Variants in MYO10 observed in about 807,000 individuals in gnomAD.
MYO10 encodes myosin X, also known as unconventional myosin-X.
MYO10 carries 133 observed loss-of-function variants against 257.3 expected under a neutral mutation model. That is an observed-to-expected ratio of 0.52 (90% confidence interval 0.45 to 0.60). The LOEUF (loss-of-function observed/expected upper bound fraction) is 0.60. MYO10 is among the 20% of genes least tolerant of loss of function. The probability of loss-of-function intolerance (pLI) is 0.00; values close to 1 mark genes in which losing one functional copy is unlikely to be tolerated. For missense variants in MYO10, 2,399 were observed against 2,635.7 expected (o/e 0.91, Z 1.97); for synonymous variants, 1,104 against 1,028.6 (o/e 1.07, Z -1.40).
rs1346024906 is a variant in MYO10, at chr5:16,809,178, A to T, written c.279+8831T>A. Among the ~76,000 whole-genome samples the T allele has an allele frequency of 3.9e-5, 6 of 151,960 alleles. No homozygotes were observed. The East Asian group carries it at 1.2e-3, about 29-fold the overall frequency. ...CTTGATTTCATGTGGAAAAAAAAAAAAGCCAAAAAAACCCAGAAAGTCCTG... is the reference window on the plus strand; with the variant it reads ...CTTGATTTCATGTGGAAAAAAAAAATAGCCAAAAAAACCCAGAAAGTCCTG... On this transcript the variant is annotated intron_variant, in intron 3 of 40. Coordinates refer to ENST00000513610, the MANE Select transcript of MYO10 (RefSeq NM_012334.3).
chr5:16,722,418 GCTT>G (rs1739187940), intron 19 of MYO10, among the ~76,000 whole-genome samples: 1 of 152,164 alleles, frequency 6.6e-6, no homozygotes, highest in Admixed American at 6.5e-5. Context: ...ACAAAATTGT[GCTT>G]CTGTTTACAG....
intron 1 of MYO10, among the ~76,000 whole-genome samples, chr5:16,882,896 A>G (rs1214997799): frequency 7.1e-6 from 1 of 141,812 alleles, no homozygotes; most frequent in Non-Finnish European, 1.5e-5. Context: ...TTATAACTCA[A>G]TAATATCAAA....
Position 16,666,483 on chromosome 5 carries a change from T to C in MYO10, c.*209A>G, listed in dbSNP as rs1348192667. 4.1e-6 allele frequency: 2 copies of C among 493,218 alleles called. No homozygotes were observed. The highest frequency in any genetic ancestry group is 3.7e-5 in the Admixed American group (1 of 27,094). The allele number at this position is 493,218 out of a possible 1,614,324, so 30.6% of individuals were successfully genotyped here. A position where few individuals can be genotyped will look rare whatever the true frequency, so the allele number is the denominator to read the frequency against. On this transcript the variant is annotated 3_prime_UTR_variant, in exon 41 of 41. Coordinates refer to ENST00000513610, the MANE Select transcript of MYO10 (RefSeq NM_012334.3). ...CTAAGAGTAGTAAAGCTTTGGAAAC[T>C]GTGCAGACTGTTAAAGTTGACAGCT...
intron 1 of MYO10, among the ~76,000 whole-genome samples, chr5:16,884,321 G>A (rs932719970): frequency 6.6e-6 from 1 of 152,056 alleles, no homozygotes; most frequent in Non-Finnish European, 1.5e-5. Flanking sequence ...CCTGAGGCTG[G>A]GAAGTAAAGG....
chr5:16,691,309 T>A (rs972720424), intron 27 of MYO10, among the ~76,000 whole-genome samples: 1 of 150,270 alleles, frequency 6.7e-6, no homozygotes. Flanking sequence ...CAATAAAACA[T>A]GTATTTTACA....
At chr5:16,900,033 C>T (rs1485900068) in intron 1 of MYO10, among the ~76,000 whole-genome samples, 1 of 135,796 alleles carries the variant, frequency 7.4e-6, no homozygotes, top group African/African-American at 2.7e-5. Flanking sequence ...AAGATTTAAA[C>T]AGCTCTGGGA....
chr5:16,818,108 C>CG lies in MYO10; in HGVS notation c.179dup (p.Asn61GlufsTer7). 6.2e-7 allele frequency: 1 copy of CG among 1,612,190 alleles called. No individual in the cohort carries two copies. Among genetic ancestry groups the CG allele is most frequent in the Non-Finnish European group, 8.5e-7 (1 of 1,178,748 alleles). On this transcript the variant is annotated frameshift_variant, in exon 3 of 41. Transcript: ENST00000513610. LOFTEE classifies it high-confidence loss of function. ...CCATGTCATCCACGCCCTCCTCGTT[C>CG]GTGGGGTGCATAGCAGTCACCTTCT...
intron 21 of MYO10, among the ~76,000 whole-genome samples, chr5:16,706,928 G>A (rs1379085185): frequency 6.6e-6 from 1 of 152,190 alleles, no homozygotes; most frequent in East Asian, 1.9e-4. Flanking sequence ...GAAAGTGATA[G>A]GTTTGGCTGT....
intron 36 of MYO10, among the ~76,000 whole-genome samples, chr5:16,673,279 A>G (rs2126471118): frequency 6.6e-6 from 1 of 151,848 alleles, no homozygotes; most frequent in Admixed American, 6.6e-5. Flanking sequence ...CTGGTTTTAT[A>G]ATAGTAAGTT....
At chr5:16,695,525 T>C (rs1050399187) in intron 26 of MYO10, among the ~76,000 whole-genome samples, 11 of 147,006 alleles carry the variant, frequency 7.5e-5, no homozygotes, top group African/African-American at 2.3e-4. Context: ...ACTGAGACTA[T>C]GAAAAAAAAA....
intron 1 of MYO10, among the ~76,000 whole-genome samples, chr5:16,914,556 T>C (rs1203068901): frequency 1.3e-5 from 2 of 152,218 alleles, no homozygotes; most frequent in Non-Finnish European, 2.9e-5. Flanking sequence ...ACTACTTTTG[T>C]TTTGCCTATT....
chr5:16,904,075 G>C (rs1431048489), intron 1 of MYO10, among the ~76,000 whole-genome samples: 1 of 151,666 alleles, frequency 6.6e-6, no homozygotes, highest in Non-Finnish European at 1.5e-5. Context: ...CCAAGGCAGG[G>C]AAAGGAAAGG....
rs4702177 is a variant in MYO10 at position 16,864,803 on chromosome 5, C to T, written c.120+12806G>A. Among the ~76,000 whole-genome samples, 169 of 152,282 alleles carry T rather than the reference C, an allele frequency of 1.1e-3. 1 individual carries two copies. In the East Asian group the frequency reaches 0.029, roughly 26 times the overall value. On this transcript the variant is annotated intron_variant, in intron 2 of 40. Coordinates refer to ENST00000513610, the MANE Select transcript of MYO10 (RefSeq NM_012334.3). ...GAGCCACAAAATGCCAAAGCAAATT[C>T]TTGGAAGAGGTCTAGGGAGTCAGAA...
At chr5:16,866,288 G>A (rs1241981859) in intron 2 of MYO10, among the ~76,000 whole-genome samples, 1 of 152,130 alleles carries the variant, frequency 6.6e-6, no homozygotes. Context: ...TTAGGGATAC[G>A]CTTTGCCTCT....
intron 3 of MYO10, among the ~76,000 whole-genome samples, chr5:16,803,823 C>A (rs1742191320): frequency 6.6e-6 from 1 of 152,130 alleles, no homozygotes; most frequent in Admixed American, 6.5e-5. Context: ...GACAACAGCC[C>A]AATATTACTT....
intron 1 of MYO10, among the ~76,000 whole-genome samples, chr5:16,892,962 G>T (rs168813): frequency 4.3e-4 from 66 of 152,092 alleles, no homozygotes; most frequent in African/African-American, 1.6e-3. Flanking sequence ...TTGGGAGGCC[G>T]AGGCGGGCAG....
rs147935222 is a variant in MYO10 at position 16,913,745 on chromosome 5, C to T, written c.21+22043G>A. ...AGAGAGACAAGTGAGAACCAGGATA[C>T]GTAAGTATGAGCTGAAGTTCAGAAA... On this transcript the variant is annotated intron_variant, in intron 1 of 40. Coordinates refer to ENST00000513610, the MANE Select transcript of MYO10 (RefSeq NM_012334.3). Among the ~76,000 whole-genome samples the T allele has an allele frequency of 2.0e-3, 309 of 152,256 alleles. 1 individual carries two copies. The highest frequency in any genetic ancestry group is 6.9e-3 in the African/African-American group (288 of 41,534).
chr5:16,741,803 C>T, intron 19 of MYO10: 1 of 985,262 alleles, frequency 1.0e-6, no homozygotes, highest in Non-Finnish European at 1.2e-6. Context: ...AAAATCCCTA[C>T]CTTGGGTTTT....
At chr5:16,750,928 G>C (rs1341441538) in intron 19 of MYO10, among the ~76,000 whole-genome samples, 1 of 152,152 alleles carries the variant, frequency 6.6e-6, no homozygotes, top group Non-Finnish European at 1.5e-5. Context: ...TCGGGAGACG[G>C]AGGTTGTGGT....
Sources: gnomAD v4.1 joint callset for allele counts (sites outside exome capture counted in the v4.1 genomes callset) on GRCh38, gnomAD v4.1.1 for gene constraint, MANE v1.5 for transcripts, NCBI Gene and HGNC (gene_info 2026-07-23, HGNC 2026-07-21) for gene names.